Variants in DOCK4 observed in about 807,000 individuals in gnomAD.
The protein encoded by DOCK4 is dedicator of cytokinesis 4.
Under a neutral mutation model 268.1 loss-of-function variants are expected in DOCK4, and 97 were observed. The observed-to-expected ratio is 0.36, with a 90% CI of 0.31 to 0.43. The LOEUF is 0.43. DOCK4 is among the 20% of genes least tolerant of loss of function. The pLI, the probability that DOCK4 is intolerant of heterozygous loss-of-function variation, is 1.00. For synonymous variants in DOCK4, 954 were observed against 887.2 expected, an observed-to-expected ratio of 1.08 and a Z score of -1.34; for missense variants, 2,145 against 2,455.7, an observed-to-expected ratio of 0.87 and a Z score of 2.67.
Position 112,206,178 on chromosome 7 carries a change from C to G in DOCK4, c.-40G>C. The G allele has an allele frequency of 6.4e-7, 1 of 1,554,090 alleles. No individual in the cohort carries two copies. The highest frequency in any genetic ancestry group is 8.7e-7 in the Non-Finnish European group (1 of 1,147,038). On this transcript the variant is annotated 5_prime_UTR_variant, in exon 1 of 53. Transcript: ENST00000428084. Reference sequence around the variant, plus strand: ...CGGGGTCTTCAGGCTTTGTAATCCCCGCGCCCCTTCTCCGGCTCACAACAA... The same window carrying G: ...CGGGGTCTTCAGGCTTTGTAATCCCGGCGCCCCTTCTCCGGCTCACAACAA...
At chr7:111,905,553 T>C (rs1055550158) in intron 13 of DOCK4, among the ~76,000 whole-genome samples, 2 of 152,194 alleles carry the variant, frequency 1.3e-5, no homozygotes, top group Admixed American at 1.3e-4. Context: ...CCGTCAGTAG[T>C]TGAAAACTGT....
chr7:111,762,762 C>G (rs9641470), intron 39 of DOCK4, among the ~76,000 whole-genome samples: 1,142 of 63,124 alleles, frequency 0.018, 48 homozygotes, highest in African/African-American at 0.059. Context: ...GTTTTGTTTT[C>G]TTTTTTTTTT....
chr7:111,869,456 T>C (rs1806241238), intron 21 of DOCK4, 118 bp downstream of exon 21: 2 of 880,690 alleles, frequency 2.3e-6, no homozygotes, highest in African/African-American at 1.7e-5. Context: ...GATCCTTGAA[T>C]TGGAATGTCA....
chr7:112,079,554 G>GCTGAGAGTT (rs1230462462), intron 1 of DOCK4, among the ~76,000 whole-genome samples: 1 of 152,112 alleles, frequency 6.6e-6, no homozygotes, highest in East Asian at 1.9e-4. Context: ...GCCACAACAA[G>GCTGAGAGTT]CTGAGAGTTG....
intron 1 of DOCK4, among the ~76,000 whole-genome samples, chr7:112,091,570 T>C (rs752497127): frequency 5.3e-5 from 8 of 152,136 alleles, no homozygotes; most frequent in Non-Finnish European, 8.8e-5. Flanking sequence ...CCATATCACA[T>C]TGATGAATGG....
At chr7:112,129,631 G>C (rs1351927815) in intron 1 of DOCK4, among the ~76,000 whole-genome samples, 2 of 152,186 alleles carry the variant, frequency 1.3e-5, no homozygotes, top group Non-Finnish European at 2.9e-5. Context: ...CATTAAGGGA[G>C]CTGAGTGAAG....
Position 111,871,283 on chromosome 7 carries a change from A to T in DOCK4, c.2027+707T>A, listed in dbSNP as rs1327477132. The stretch of plus-strand genomic sequence containing the variant: ...GGAGACAGACGATGGGGTACACTCC[A>T]AGGCTATTTAAGCAGTTATTTGTCG... On this transcript the variant is annotated intron_variant, in intron 20 of 52. Coordinates refer to ENST00000428084, the MANE Select transcript of DOCK4 (RefSeq NM_001363540.2). Among the ~76,000 whole-genome samples, 26 of 152,236 alleles carry T rather than the reference A, an allele frequency of 1.7e-4. 1 individual carries two copies. Among genetic ancestry groups the T allele is most frequent in the Admixed American group, 1.7e-3 (26 of 15,294 alleles).
intron 1 of DOCK4, among the ~76,000 whole-genome samples, chr7:112,144,867 G>A (rs968589816): frequency 2.6e-5 from 4 of 152,160 alleles, no homozygotes; most frequent in African/African-American, 4.8e-5. Context: ...GACGCAAAGC[G>A]AGCAGAGAGG....
At chr7:111,735,632 T>C (rs1386859575) in intron 50 of DOCK4, among the ~76,000 whole-genome samples, 1 of 152,212 alleles carries the variant, frequency 6.6e-6, no homozygotes, top group South Asian at 2.1e-4. Flanking sequence ...CATTGATAAC[T>C]CTTTCTGAAA....
chr7:111,840,371 A>G (rs1803583365), intron 25 of DOCK4, among the ~76,000 whole-genome samples: 1 of 152,226 alleles, frequency 6.6e-6, no homozygotes, highest in Non-Finnish European at 1.5e-5. Flanking sequence ...AATGTTATTT[A>G]ACAGAGTTAC....
intron 25 of DOCK4, among the ~76,000 whole-genome samples, chr7:111,839,040 G>A (rs1803463098): frequency 6.6e-6 from 1 of 152,106 alleles, no homozygotes; most frequent in Non-Finnish European, 1.5e-5. Context: ...ATCTCTTAAG[G>A]TTCAGAAATT....
chr7:111,729,568 C>T (rs922233428), intron 52 of DOCK4, among the ~76,000 whole-genome samples: 5 of 152,168 alleles, frequency 3.3e-5, no homozygotes, highest in Non-Finnish European at 7.3e-5. Context: ...TAAAGGTATC[C>T]ACCAAGATAA....
chr7:111,872,553 C>A lies in DOCK4; in HGVS notation c.1756G>T (p.Asp586Tyr). 6.3e-7 allele frequency: 1 copy of A among 1,593,968 alleles called. No homozygotes were observed. Among genetic ancestry groups the A allele is most frequent in the East Asian group, 2.2e-5 (1 of 44,584 alleles). The change falls in exon 18 of 53, where the codon GAT becomes TAT. Residue 586 changes from aspartate (D) to tyrosine (Y), a missense_variant. Coordinates refer to ENST00000428084, the MANE Select transcript of DOCK4 (RefSeq NM_001363540.2). ...TKLTQNGDML[D>Y]LLKWRTHPDK... ...GGGTGGGTTCTCCATTTCAAAAGAT[C>A]AAGCATATCACCTTTCAAAATAGAA... is the stretch of plus-strand genomic sequence containing the variant.
At chr7:111,811,562 T>G (rs1421820918) in intron 28 of DOCK4, among the ~76,000 whole-genome samples, 1 of 152,148 alleles carries the variant, frequency 6.6e-6, no homozygotes, top group Non-Finnish European at 1.5e-5. Flanking sequence ...AACGTTTTCT[T>G]CATATAAACT....
chr7:111,858,284 T>C (rs557609700), intron 23 of DOCK4, among the ~76,000 whole-genome samples: 1 of 152,330 alleles, frequency 6.6e-6, no homozygotes, highest in East Asian at 1.9e-4. Context: ...CCATGCTTCT[T>C]CCTTTGCATG....
chr7:111,863,910 A>T (rs578254625), intron 22 of DOCK4, among the ~76,000 whole-genome samples: 2 of 152,332 alleles, frequency 1.3e-5, no homozygotes, highest in South Asian at 2.1e-4. Context: ...AGTTATATTC[A>T]TTCCTTTTGG....
At chr7:111,933,652 T>C (rs950200493) in intron 12 of DOCK4, among the ~76,000 whole-genome samples, 3 of 152,124 alleles carry the variant, frequency 2.0e-5, no homozygotes, top group Admixed American at 6.6e-5. Context: ...TAGTTCCATG[T>C]TGTATTTCAT....
rs1227251292 is a variant in DOCK4 at position 111,927,154 on chromosome 7, TG to T, written c.1066+8385del. 1.8e-4 allele frequency among the ~76,000 whole-genome samples: 27 copies of T among 152,188 alleles called. 1 individual carries two copies. The highest frequency in any genetic ancestry group is 1.7e-3 in the Admixed American group (26 of 15,280). On this transcript the variant is annotated intron_variant, in intron 12 of 52. Coordinates refer to ENST00000428084, the MANE Select transcript of DOCK4 (RefSeq NM_001363540.2). ...GATCATCTTCCTGAGATCTTCGAAG[TG>T]GGTAACTCTGTCCATTGGGATGACT... is the stretch of plus-strand genomic sequence containing the variant.
chr7:111,962,536 C>G (rs1254965772), intron 8 of DOCK4, among the ~76,000 whole-genome samples: 1 of 152,124 alleles, frequency 6.6e-6, no homozygotes, highest in Non-Finnish European at 1.5e-5. Flanking sequence ...AATCTGGCCA[C>G]TTCGATTACC....
Sources: allele counts gnomAD v4.1 joint callset (sites outside exome capture counted in the v4.1 genomes callset), GRCh38; gene constraint gnomAD v4.1.1; transcripts MANE v1.5; gene names NCBI Gene and HGNC (gene_info 2026-07-23, HGNC 2026-07-21).